The following FBN2 variants were observed in gnomAD, a reference collection of about 807,000 sequenced individuals.
FBN2 encodes the protein fibrillin 2.
In FBN2, 105 loss-of-function variants were observed where a neutral mutation model predicts 355.6. The ratio of observed to expected loss-of-function variants is 0.30; its 90% CI spans 0.25 to 0.35. FBN2 has a LOEUF of 0.35. Among genes scored for constraint, FBN2 ranks in the 10% least tolerant of loss-of-function variants. The probability of loss-of-function intolerance (pLI) is 1.00; values close to 1 mark genes in which losing one functional copy is unlikely to be tolerated. For synonymous variants in FBN2, 1,350 were observed against 1,301.2 expected (o/e 1.04, Z -0.81); for missense variants, 3,280 against 3,758.7 (o/e 0.87, Z 3.33).
At chr5:128,322,706 A>G (rs1750417934) in intron 34 of FBN2, among the ~76,000 whole-genome samples, 1 of 152,178 alleles carries the variant, frequency 6.6e-6, no homozygotes, top group Non-Finnish European at 1.5e-5. Context: ...GATAGTTTGA[A>G]GTCAGGTGGT....
chr5:128,447,696 T>G (rs971254411), intron 6 of FBN2, among the ~76,000 whole-genome samples: 7 of 152,226 alleles, frequency 4.6e-5, no homozygotes, highest in Non-Finnish European at 1.0e-4. Flanking sequence ...CCACAGCCTA[T>G]TCGTACACTC....
At chr5:128,391,981 A>C (rs1340424180) in intron 11 of FBN2, 37 bp downstream of exon 11, 4 of 1,596,926 alleles carry the variant, frequency 2.5e-6, no homozygotes, top group Non-Finnish European at 3.4e-6. Flanking sequence ...AGCTACTAAA[A>C]AAACTAAGAA....
rs1750192953 is a variant in FBN2 at position 128,316,093 on chromosome 5, G to A, written c.4717+2056C>T. The stretch of plus-strand genomic sequence containing the variant: ...AAATTCTCAACTGTGTTCAATAAAT[G>A]CTAAAAGAAGATTTCAAGTAAGGTG... On this transcript the variant is annotated intron_variant, in intron 36 of 64. Coordinates refer to ENST00000262464, the MANE Select transcript of FBN2 (RefSeq NM_001999.4). Among the ~76,000 whole-genome samples the A allele has an allele frequency of 2.6e-5, 4 of 152,132 alleles. No individual in the cohort carries two copies. In the South Asian group the frequency reaches 8.3e-4, roughly 31 times the overall value.
intron 34 of FBN2, among the ~76,000 whole-genome samples, chr5:128,325,914 C>G (rs1049491032): frequency 6.6e-6 from 1 of 152,110 alleles, no homozygotes; most frequent in Non-Finnish European, 1.5e-5. Flanking sequence ...TACAATCTCC[C>G]TTTTACTCTA....
chr5:128,440,022 C>G (rs1365463662), intron 7 of FBN2, among the ~76,000 whole-genome samples: 1 of 152,058 alleles, frequency 6.6e-6, no homozygotes, highest in African/African-American at 2.4e-5. Context: ...TTGATCTTTT[C>G]CCTTATTGAT....
intron 39 of FBN2, among the ~76,000 whole-genome samples, chr5:128,310,402 ATTT>A (rs199690802): frequency 8.6e-3 from 198 of 23,152 alleles, no homozygotes; most frequent in East Asian, 0.034. Context: ...ATATATATAT[ATTT>A]TTTTTTTTTT....
rs1756221597 is a variant in FBN2 at position 128,514,362 on chromosome 5, G to C, written c.628+4911C>G. 2.0e-5 allele frequency among the ~76,000 whole-genome samples: 3 copies of C among 152,166 alleles called. No homozygotes were observed. The South Asian group carries it at 6.2e-4, about 32-fold the overall frequency. On this transcript the variant is annotated intron_variant, in intron 5 of 64. Coordinates refer to ENST00000262464, the MANE Select transcript of FBN2 (RefSeq NM_001999.4). ...TTTGTAATTTGTCCTGCATTAGTGAGCATTTCTGAGCTCTCTTACTTTTTG... is the reference window on the plus strand; with the variant it reads ...TTTGTAATTTGTCCTGCATTAGTGACCATTTCTGAGCTCTCTTACTTTTTG...
chr5:128,272,326 T>A (rs1483557766), intron 61 of FBN2, among the ~76,000 whole-genome samples: 2 of 151,956 alleles, frequency 1.3e-5, no homozygotes. Flanking sequence ...GACCAGCTCA[T>A]TCTTCTGCTC....
chr5:128,536,652 C>T (rs531679305), intron 1 of FBN2, among the ~76,000 whole-genome samples, 168 bp from the exon 2 acceptor site: 2 of 152,302 alleles, frequency 1.3e-5, no homozygotes, highest in East Asian at 3.9e-4. Flanking sequence ...AGCAAAAGAG[C>T]TAGATGCTGG....
rs557172227 is a variant in FBN2, at chr5:128,303,305, G to C, written c.5801-216C>G. Among the ~76,000 whole-genome samples the C allele has an allele frequency of 1.0e-3, 152 of 152,208 alleles. 1 individual carries two copies. The highest frequency in any genetic ancestry group is 4.2e-3 in the South Asian group (20 of 4,818). On this transcript the variant is annotated intron_variant, in intron 45 of 64. Coordinates refer to ENST00000262464, the MANE Select transcript of FBN2 (RefSeq NM_001999.4). ...TCTAAGAAAATAGTACAGTTTAACA[G>C]GTACTGACTGTACTCAGACAATACT... is the stretch of plus-strand genomic sequence containing the variant.
intron 39 of FBN2, among the ~76,000 whole-genome samples, chr5:128,310,400 ATAT>A (rs869166438): frequency 5.3e-3 from 70 of 13,266 alleles, no homozygotes; most frequent in East Asian, 8.5e-3. Context: ...ATATATATAT[ATAT>A]TTTTTTTTTT....
At chr5:128,421,317 G>C (rs1211852070) in intron 7 of FBN2, among the ~76,000 whole-genome samples, 1 of 152,112 alleles carries the variant, frequency 6.6e-6, no homozygotes, top group African/African-American at 2.4e-5. Context: ...AAATGGGTCA[G>C]GGACAGCAGA....
At chr5:128,401,721 C>G (rs1427494469) in intron 8 of FBN2, among the ~76,000 whole-genome samples, 1 of 152,098 alleles carries the variant, frequency 6.6e-6, no homozygotes, top group Non-Finnish European at 1.5e-5. Flanking sequence ...GTGGAGCTTG[C>G]AGTGAGCCGA....
intron 5 of FBN2, among the ~76,000 whole-genome samples, chr5:128,482,707 A>T (rs1372013122): frequency 6.6e-6 from 1 of 152,078 alleles, no homozygotes; most frequent in Non-Finnish European, 1.5e-5. Context: ...CCCATTTTTT[A>T]ATCTTTTCCA....
At chr5:128,418,781 A>G (rs958861821) in intron 7 of FBN2, among the ~76,000 whole-genome samples, 3 of 152,182 alleles carry the variant, frequency 2.0e-5, no homozygotes, top group African/African-American at 7.2e-5. Flanking sequence ...CTGTGACCTA[A>G]CATATGGTCT....
At chr5:128,325,855 G>T (rs1474853049) in intron 34 of FBN2, among the ~76,000 whole-genome samples, 1 of 151,498 alleles carries the variant, frequency 6.6e-6, no homozygotes, top group Non-Finnish European at 1.5e-5. Context: ...TTATTTAATA[G>T]TCCTCTTATT....
chr5:128,380,874 C>T lies in FBN2; in HGVS notation c.1604-1984G>A, dbSNP rs17608902. Reference sequence around the variant, plus strand: ...AAGTACTTAAATACTACGTTCTGTACATTTTGACTTCTTAGTATGTTTTCA... The same window carrying T: ...AAGTACTTAAATACTACGTTCTGTATATTTTGACTTCTTAGTATGTTTTCA... On this transcript the variant is annotated intron_variant, in intron 11 of 64. Coordinates refer to ENST00000262464, the MANE Select transcript of FBN2 (RefSeq NM_001999.4). 5.2e-4 allele frequency among the ~76,000 whole-genome samples: 79 copies of T among 151,892 alleles called. 1 individual carries two copies. The highest frequency in any genetic ancestry group is 2.1e-4 in the South Asian group (1 of 4,822).
intron 7 of FBN2, among the ~76,000 whole-genome samples, chr5:128,439,487 A>G (rs1753860908): frequency 6.6e-6 from 1 of 152,074 alleles, no homozygotes; most frequent in Admixed American, 6.6e-5. Flanking sequence ...TTCTAAATAC[A>G]CTCTGCTTAT....
rs2126902161 is a variant in FBN2, at chr5:128,338,094, G to C, written c.3501C>G (p.Leu1167=). 1 of 1,614,112 alleles carries C rather than the reference G, an allele frequency of 6.2e-7. No homozygotes were observed. Among genetic ancestry groups the C allele is most frequent in the Non-Finnish European group, 8.5e-7 (1 of 1,179,966 alleles). ...TCACACAGGTGCCACCCCTACAAAG[G>C]AGAGGGTTACGTTCACATTCGTCAA... ...MDIDECERNP[L]LCRGGTCVNT... The change falls in exon 27 of 65, where the codon CTC becomes CTG. Residue 1167 remains leucine (L), a synonymous_variant. Coordinates refer to ENST00000262464, the MANE Select transcript of FBN2 (RefSeq NM_001999.4).
Sources: gnomAD v4.1 joint callset for allele counts (sites outside exome capture counted in the v4.1 genomes callset) on GRCh38, gnomAD v4.1.1 for gene constraint, MANE v1.5 for transcripts, NCBI Gene and HGNC (gene_info 2026-07-23, HGNC 2026-07-21) for gene names.